Variants in MYOZ3 observed in about 807,000 individuals in gnomAD.
MYOZ3 encodes myozenin 3, also known as myozenin-3.
A neutral mutation model predicts 26.5 loss-of-function variants in MYOZ3; 19 were observed. The observed-to-expected ratio is 0.72, with a 90% confidence interval of 0.50 to 1.05. The LOEUF (loss-of-function observed/expected upper bound fraction) is 1.05, where lower values mean the gene tolerates loss of function less well. Ranked by LOEUF, MYOZ3 falls within the 50% of genes least tolerant of loss-of-function variation. MYOZ3 has a pLI of 0.00. For missense variants in MYOZ3, 322 were observed against 337.1 expected, an observed-to-expected ratio of 0.96 and a Z score of 0.35; for synonymous variants, 135 against 138.8, an observed-to-expected ratio of 0.97 and a Z score of 0.19.
At position 150,678,238 on chromosome 5, in the gene MYOZ3, C is replaced by G. The variant is rs1251172022; in HGVS notation, c.*1363C>G. The G allele has an allele frequency of 6.6e-6, 1 of 152,220 alleles. No individual in the cohort carries two copies. Among genetic ancestry groups the G allele is most frequent in the African/African-American group, 2.4e-5 (1 of 41,420 alleles). The allele number at this position is 152,220 out of a possible 1,614,324, so 9.4% of individuals were successfully genotyped here. ...GCAAAGTGGGGTGCTTATTAAGATT[C>G]CTTCTTTCCACTCCATTTTGAGCAG... On this transcript the variant is annotated 3_prime_UTR_variant, in exon 7 of 7. Coordinates refer to ENST00000517768, the MANE Select transcript of MYOZ3 (RefSeq NM_001122853.3).
chr5:150,667,315 C>G (rs1261318648), intron 2 of MYOZ3, among the ~76,000 whole-genome samples: 1 of 152,178 alleles, frequency 6.6e-6, no homozygotes, highest in African/African-American at 2.4e-5. Context: ...CCTTGCACAA[C>G]CTCATTCTCA....
rs761334712 is a variant in MYOZ3 at position 150,672,469 on chromosome 5, C to T, written c.554C>T (p.Thr185Ile). Residue 185 changes from threonine to isoleucine, a missense_variant, in exon 6 of 7, where the codon ACC becomes ATC. Coordinates refer to ENST00000517768, the MANE Select transcript of MYOZ3 (RefSeq NM_001122853.3). ...TACCAGAGCGATGGCCGAAGTCACA[C>T]CCCCAGCCCCAACGACTACCGAAAT... Reference protein sequence around the residue: ...RDYQSDGRSHTPSPNDYRNFN... With the variant: ...RDYQSDGRSHIPSPNDYRNFN... 4 of 1,590,498 alleles carry T rather than the reference C, an allele frequency of 2.5e-6. No individual in the cohort carries two copies. The highest frequency in any genetic ancestry group is 4.5e-5 in the East Asian group (2 of 44,450).
At chr5:150,671,710 G>A (rs1462759670) in intron 4 of MYOZ3, 45 bp from the exon 5 acceptor site, 3 of 1,613,232 alleles carry the variant, frequency 1.9e-6, no homozygotes, top group African/African-American at 1.3e-5. Context: ...GCGGCTGGGG[G>A]CGGGAGGTCG....
At chr5:150,666,480 G>C (rs916465136) in intron 2 of MYOZ3, among the ~76,000 whole-genome samples, 69 of 151,724 alleles carry the variant, frequency 4.5e-4, no homozygotes, top group African/African-American at 1.6e-3. Context: ...CGTGCGTGGT[G>C]GCTCATGCCC....
chr5:150,663,019 C>T lies in MYOZ3; in HGVS notation c.61+17C>T, dbSNP rs1758758746. The stretch of plus-strand genomic sequence containing the variant: ...CTGAACCAGGTAAGGTGGTTCTAGC[C>T]TCATGCCTTCCTCAGACTCCATCAT... On this transcript the variant is annotated intron_variant, in intron 2 of 6. Coordinates refer to ENST00000517768, the MANE Select transcript of MYOZ3 (RefSeq NM_001122853.3). The T allele has an allele frequency of 1.3e-6, 2 of 1,593,878 alleles. No individual in the cohort carries two copies. The highest frequency in any genetic ancestry group is 1.3e-5 in the African/African-American group (1 of 74,098).
At chr5:150,665,057 T>C (rs1758787746) in intron 2 of MYOZ3, among the ~76,000 whole-genome samples, 1 of 152,070 alleles carries the variant, frequency 6.6e-6, no homozygotes, top group African/African-American at 2.4e-5. Context: ...CATCCTAGTA[T>C]GATTTATCTC....
intron 2 of MYOZ3, among the ~76,000 whole-genome samples, chr5:150,663,382 C>T (rs1355052894): frequency 1.3e-5 from 2 of 152,218 alleles, no homozygotes; most frequent in Non-Finnish European, 1.5e-5. Flanking sequence ...CCTATTACTC[C>T]TGTGGGTCTC....
At chr5:150,666,768 CT>C (rs987593251) in intron 2 of MYOZ3, among the ~76,000 whole-genome samples, 19 of 139,666 alleles carry the variant, frequency 1.4e-4, no homozygotes, top group Non-Finnish European at 1.1e-4. Flanking sequence ...TTCTTTTTTT[CT>C]TTTTTTTTTG....
Position 150,668,649 on chromosome 5 carries a change from C to T in MYOZ3, c.62-1835C>T, listed in dbSNP as rs150340395. Reference sequence around the variant, plus strand: ...GATTTTAGAGATGGACTAGGCAGGCCGTGCTGCCCACACAGGGCTCTCACC... The same window carrying T: ...GATTTTAGAGATGGACTAGGCAGGCTGTGCTGCCCACACAGGGCTCTCACC... On this transcript the variant is annotated intron_variant, in intron 2 of 6. Transcript: ENST00000517768. 8.7e-4 allele frequency among the ~76,000 whole-genome samples: 133 copies of T among 152,348 alleles called. No homozygotes were observed. The South Asian group carries it at 0.014, about 16-fold the overall frequency.
intron 6 of MYOZ3, among the ~76,000 whole-genome samples, chr5:150,674,665 C>G (rs186342908): frequency 6.8e-4 from 103 of 152,338 alleles, no homozygotes; most frequent in African/African-American, 2.4e-3. Context: ...CCACTGGTCC[C>G]AGGCTGCTGG....
chr5:150,666,630 A>AAATAT (rs1554113786), intron 2 of MYOZ3, among the ~76,000 whole-genome samples: 17 of 123,054 alleles, frequency 1.4e-4, no homozygotes, highest in Middle Eastern at 4.1e-3. Flanking sequence ...AAAAAAAAAA[A>AAATAT]ATATATATAT....
chr5:150,672,222 C>G (rs1758927307), intron 5 of MYOZ3, 118 bp from the exon 6 acceptor site: 2 of 1,448,884 alleles, frequency 1.4e-6, no homozygotes, highest in Admixed American at 2.0e-5. Flanking sequence ...CCGCCGTCCT[C>G]TCCCCTAACT....
chr5:150,678,515 G>C lies in MYOZ3; in HGVS notation c.*1640G>C, dbSNP rs757610232. 2 of 152,330 alleles carry C rather than the reference G, an allele frequency of 1.3e-5. No individual in the cohort carries two copies. Among genetic ancestry groups the C allele is most frequent in the African/African-American group, 2.4e-5 (1 of 41,428 alleles). The allele number at this position is 152,330 out of a possible 1,614,324, so 9.4% of individuals were successfully genotyped here. Reference sequence around the variant, plus strand: ...ATGTCTCTTTTCAGTGCACTGGGTGGTCAATGCCCACTCGCTCTGAAATCA... The same window carrying C: ...ATGTCTCTTTTCAGTGCACTGGGTGCTCAATGCCCACTCGCTCTGAAATCA... On this transcript the variant is annotated 3_prime_UTR_variant, in exon 7 of 7. Coordinates refer to ENST00000517768, the MANE Select transcript of MYOZ3 (RefSeq NM_001122853.3).
rs562368990 is a variant in MYOZ3, at chr5:150,661,443, G to A, written c.-2+16G>A. Reference sequence around the variant, plus strand: ...ATCCTCTCAGGTACCAGCATCCTAGGGGAGCTTGGGGAACTCAGGGGAGTG... The same window carrying A: ...ATCCTCTCAGGTACCAGCATCCTAGAGGAGCTTGGGGAACTCAGGGGAGTG... On this transcript the variant is annotated intron_variant, in intron 1 of 6. Coordinates refer to ENST00000517768, the MANE Select transcript of MYOZ3 (RefSeq NM_001122853.3). The A allele has an allele frequency of 5.9e-5, 9 of 152,534 alleles. No individual in the cohort carries two copies. The South Asian group carries it at 1.9e-3, about 32-fold the overall frequency. 9.4% of individuals were successfully genotyped at this position (152,534 alleles called of 1,614,324 possible).
rs533678155 is a variant in MYOZ3 at position 150,672,021 on chromosome 5, C to T, written c.424+113C>T. The T allele has an allele frequency of 8.0e-6, 11 of 1,383,230 alleles. No homozygotes were observed. In the African/African-American group the frequency reaches 1.4e-4, roughly 18 times the overall value. 85.7% of individuals were successfully genotyped at this position (1,383,230 alleles called of 1,614,324 possible). A position where few individuals can be genotyped will look rare whatever the true frequency, so the allele number is the denominator to read the frequency against. ...GGCTAGTCCGCCCCCTTCCCCAACA[C>T]ACACGCGCACGCGCGCACTCCCCTC... On this transcript the variant is annotated intron_variant, in intron 5 of 6. Transcript: ENST00000517768.
chr5:150,671,639 G>A lies in MYOZ3; in HGVS notation c.259G>A (p.Glu87Lys), dbSNP rs766671748. Residue 87 changes from glutamate to lysine, a missense_variant, in exon 4 of 7, where the codon GAG becomes AAG. Physicochemically the swap from Glu to Lys is moderately conservative, Grantham distance 56. Transcript: ENST00000517768. The part of the protein sequence containing the change: ...SARRKVTGTA[E>K]SGTVANANGP... ...CAGGAGGAAGGTGACTGGAACAGCG[G>A]AGTCGGGGACGGTGAGCGTGGAGGG... 6.2e-7 allele frequency: 1 copy of A among 1,613,888 alleles called. No individual in the cohort carries two copies. The highest frequency in any genetic ancestry group is 8.5e-7 in the Non-Finnish European group (1 of 1,179,916).
At position 150,676,857 on chromosome 5, in the gene MYOZ3, A is replaced by G. The variant is rs1409402467; in HGVS notation, c.738A>G (p.Pro246=). ...CCCAGGGCTGGGTCCGTAACCTCCC[A>G]GAGTCCGAGGAGCTGTAGCCCTAGC... ...RVAQGWVRNL[P]ESEEL is the part of the protein sequence containing the mutation. Residue 246 remains proline, a synonymous_variant, in exon 7 of 7, where the codon CCA becomes CCG. Coordinates refer to ENST00000517768, the MANE Select transcript of MYOZ3 (RefSeq NM_001122853.3). The G allele has an allele frequency of 1.9e-6, 3 of 1,611,806 alleles. No individual in the cohort carries two copies. The highest frequency in any genetic ancestry group is 1.7e-6 in the Non-Finnish European group (2 of 1,179,918).
At position 150,672,509 on chromosome 5, in the gene MYOZ3, C is replaced by T. The variant is rs754021894; in HGVS notation, c.587+7C>T. On this transcript the variant is annotated splice_region_variant and intron_variant, in intron 6 of 6. Coordinates refer to ENST00000517768, the MANE Select transcript of MYOZ3 (RefSeq NM_001122853.3). ...ACTACCGAAATTTCAACAAGTAAGG[C>T]GGGGCGGGCAGCCCGGGGGACAGAC... 12 of 1,543,166 alleles carry T rather than the reference C, an allele frequency of 7.8e-6. No individual in the cohort carries two copies. In the Middle Eastern group the frequency reaches 7.0e-4, roughly 89 times the overall value.
chr5:150,671,708 G>A (rs1234947324), intron 4 of MYOZ3, 47 bp from the exon 5 acceptor site: 1 of 1,613,408 alleles, frequency 6.2e-7, no homozygotes, highest in East Asian at 2.2e-5. Context: ...GCGCGGCTGG[G>A]GGCGGGAGGT....
Sources: gnomAD v4.1 joint callset for allele counts (sites outside exome capture counted in the v4.1 genomes callset) on GRCh38, gnomAD v4.1.1 for gene constraint, MANE v1.5 for transcripts, NCBI Gene and HGNC (gene_info 2026-07-23, HGNC 2026-07-21) for gene names.